The following PDZD2 variants were observed in gnomAD, a reference collection of about 807,000 sequenced individuals.
PDZD2 encodes PDZ domain-containing protein 2.
PDZD2 carries 90 observed loss-of-function variants against 220.7 expected under a neutral mutation model. That is an observed-to-expected ratio of 0.41 (90% CI 0.34 to 0.49). The LOEUF (loss-of-function observed/expected upper bound fraction) is 0.49, where lower values mean the gene tolerates loss of function less well. PDZD2 is among the 20% of genes least tolerant of loss of function. The probability of loss-of-function intolerance (pLI) is 0.28; values close to 1 mark genes in which losing one functional copy is unlikely to be tolerated. For synonymous variants in PDZD2, 1,375 were observed against 1,450.5 expected (o/e 0.95, Z 1.18); for missense variants, 3,174 against 3,608.5 (o/e 0.88, Z 3.08).
chr5:31,898,870 C>T lies in PDZD2; in HGVS notation c.477-84285C>T, dbSNP rs547833365. Among the ~76,000 whole-genome samples the T allele has an allele frequency of 2.6e-4, 39 of 148,988 alleles. 1 individual carries two copies. Among genetic ancestry groups the T allele is most frequent in the Admixed American group, 2.0e-3 (30 of 14,720 alleles). ...TTTGAGACGGAGTCTCGCTCTGTCACCCAGGCTGGAGTGCAGTGGCGATCT... is the reference window on the plus strand; with the variant it reads ...TTTGAGACGGAGTCTCGCTCTGTCATCCAGGCTGGAGTGCAGTGGCGATCT... On this transcript the variant is annotated intron_variant, in intron 2 of 24. Coordinates refer to ENST00000438447, the MANE Select transcript of PDZD2 (RefSeq NM_178140.4).
intron 2 of PDZD2, among the ~76,000 whole-genome samples, chr5:31,939,889 T>G (rs1746068799): frequency 6.6e-6 from 1 of 152,204 alleles, no homozygotes; most frequent in Admixed American, 6.5e-5. Context: ...ACAAAGTGTA[T>G]AAACCTAGAG....
At chr5:31,718,696 T>A (rs1326639018) in intron 1 of PDZD2, among the ~76,000 whole-genome samples, 5 of 59,554 alleles carry the variant, frequency 8.4e-5, no homozygotes, top group African/African-American at 2.2e-4. Flanking sequence ...ACAGCCTCAT[T>A]TTTTTTTTTT....
rs140586934 is a variant in PDZD2 at position 32,066,820 on chromosome 5, G to A, written c.2452-2749G>A. Reference sequence around the variant, plus strand: ...TCAAACATCCAAATGGCATTTCAGCGCAAAGCATCATATCTGGTGGCCGCC... The same window carrying A: ...TCAAACATCCAAATGGCATTTCAGCACAAAGCATCATATCTGGTGGCCGCC... On this transcript the variant is annotated intron_variant, in intron 14 of 24. Transcript: ENST00000438447. 4.6e-5 allele frequency among the ~76,000 whole-genome samples: 7 copies of A among 152,282 alleles called. No individual in the cohort carries two copies. In the East Asian group the frequency reaches 7.7e-4, roughly 17 times the overall value.
At position 32,060,469 on chromosome 5, in the gene PDZD2, G is replaced by A. The variant is rs192602672; in HGVS notation, c.2319-533G>A. ...ATTGTTGGGTAACCTTTGAGCCTCA[G>A]CTATTTCCTCCTTAAGTTATATTAT... On this transcript the variant is annotated intron_variant, in intron 13 of 24. Coordinates refer to ENST00000438447, the MANE Select transcript of PDZD2 (RefSeq NM_178140.4). Among the ~76,000 whole-genome samples the A allele has an allele frequency of 2.8e-3, 425 of 152,240 alleles. 7 individuals carry two copies. Among genetic ancestry groups the A allele is most frequent in the Admixed American group, 0.025 (376 of 15,294 alleles).
chr5:31,825,819 C>T (rs1441662944), intron 2 of PDZD2, among the ~76,000 whole-genome samples: 2 of 152,142 alleles, frequency 1.3e-5, no homozygotes, highest in African/African-American at 2.4e-5. Flanking sequence ...GCTTGCTTTA[C>T]GTATATTGTA....
Position 31,750,418 on chromosome 5 carries a change from G to A in PDZD2, c.-360-48471G>A, listed in dbSNP as rs527690473. On this transcript the variant is annotated intron_variant, in intron 1 of 24. Transcript: ENST00000438447. The stretch of plus-strand genomic sequence containing the variant: ...AAATAGCAAGCAGTTGTCATGTACC[G>A]AACGCTCACCAGATGCAGGAACGCT... Among the ~76,000 whole-genome samples, 29 of 152,240 alleles carry A rather than the reference G, an allele frequency of 1.9e-4. No homozygotes were observed. The East Asian group carries it at 1.9e-3, about 10-fold the overall frequency.
chr5:31,766,597 G>A (rs1224153028), intron 1 of PDZD2, among the ~76,000 whole-genome samples: 2 of 152,068 alleles, frequency 1.3e-5, no homozygotes, highest in Admixed American at 6.6e-5. Flanking sequence ...TCACCATGTT[G>A]CCTAGGCTGG....
At chr5:32,085,476 T>C (rs1742358600) in intron 19 of PDZD2, among the ~76,000 whole-genome samples, 1 of 149,926 alleles carries the variant, frequency 6.7e-6, no homozygotes, top group Admixed American at 6.6e-5. Flanking sequence ...AGACGGAGTC[T>C]TGCTCTGTTA....
chr5:31,640,477 C>A (rs948917089), intron 1 of PDZD2, among the ~76,000 whole-genome samples: 2 of 152,214 alleles, frequency 1.3e-5, no homozygotes, highest in African/African-American at 4.8e-5. Flanking sequence ...ATATGTTTGC[C>A]TTGACAAATC....
chr5:31,752,164 G>A (rs1329417421), intron 1 of PDZD2, among the ~76,000 whole-genome samples: 1 of 137,466 alleles, frequency 7.3e-6, no homozygotes, highest in Admixed American at 8.2e-5. Context: ...CTTCAACCTC[G>A]ACCTCCTGGA....
chr5:31,767,178 C>T (rs974728046), intron 1 of PDZD2, among the ~76,000 whole-genome samples: 1 of 151,762 alleles, frequency 6.6e-6, no homozygotes, highest in Non-Finnish European at 1.5e-5. Flanking sequence ...ATTACAGGTG[C>T]CCGCCACCAT....
rs1752036329 is a variant in PDZD2 at position 32,000,687 on chromosome 5, T to G, written c.1254+416T>G. 6.6e-6 allele frequency among the ~76,000 whole-genome samples: 1 copy of G among 152,126 alleles called. No homozygotes were observed. Among genetic ancestry groups the G allele is most frequent in the South Asian group, 2.1e-4 (1 of 4,826 alleles). On this transcript the variant is annotated intron_variant, in intron 5 of 24. Coordinates refer to ENST00000438447, the MANE Select transcript of PDZD2 (RefSeq NM_178140.4). The surrounding 1 kb of genome is among the most constrained non-coding windows in gnomAD (Gnocchi z 4.5). Reference sequence around the variant, plus strand: ...CATCACACCCGGCTAATTTTGTATTTTTTATAGAGATGGGGTTTCTCCATG... The same window carrying G: ...CATCACACCCGGCTAATTTTGTATTGTTTATAGAGATGGGGTTTCTCCATG...
intron 20 of PDZD2, 68 bp from the exon 21 acceptor site, chr5:32,092,839 T>G: frequency 1.3e-6 from 1 of 742,898 alleles, no homozygotes; most frequent in East Asian, 2.8e-5. Context: ...TCATTTTAAA[T>G]GCATTCTTAT....
rs780478538 is a variant in PDZD2, at chr5:31,983,137, CCT to C, written c.477-13_477-12del. On this transcript the variant is annotated splice_polypyrimidine_tract_variant and intron_variant, in intron 2 of 24. Coordinates refer to ENST00000438447, the MANE Select transcript of PDZD2 (RefSeq NM_178140.4). ...AGGGTGTGTGGGGTTCTAACTGGCA[CCT>C]CTCTGTCTGTTGCAGTTACCTGGCT... The C allele has an allele frequency of 1.2e-6, 2 of 1,603,014 alleles. No individual in the cohort carries two copies. Among genetic ancestry groups the C allele is most frequent in the African/African-American group, 1.3e-5 (1 of 74,802 alleles).
intron 2 of PDZD2, among the ~76,000 whole-genome samples, chr5:31,933,478 C>G (rs73066470): frequency 1.3e-5 from 2 of 152,028 alleles, no homozygotes; most frequent in Admixed American, 1.3e-4. Context: ...GCTGTATGAT[C>G]GACTCCTGCT....
At chr5:31,896,620 T>C (rs542565009) in intron 2 of PDZD2, among the ~76,000 whole-genome samples, 1 of 152,296 alleles carries the variant, frequency 6.6e-6, no homozygotes, top group Admixed American at 6.5e-5. Flanking sequence ...TTCTGAGTCT[T>C]TAGAGATACA....
intron 1 of PDZD2, among the ~76,000 whole-genome samples, chr5:31,752,775 C>T (rs1751085604): frequency 6.6e-6 from 1 of 152,156 alleles, no homozygotes. Flanking sequence ...TTCTTTGAAG[C>T]CTGTTTCAAA....
In PDZD2 at chr5:31,646,365, T is replaced by C. The variant is rs113304881; in HGVS notation, c.-361+6928T>C. Among the ~76,000 whole-genome samples the C allele has an allele frequency of 4.6e-5, 7 of 152,040 alleles. No homozygotes were observed. The highest frequency in any genetic ancestry group is 1.7e-4 in the African/African-American group (7 of 41,416). ...ATTCCAGGGACTGAGCCACCACAAA[T>C]GTCTTCAGGAACCTGACCCCTCCAC... is the stretch of plus-strand genomic sequence containing the variant. On this transcript the variant is annotated intron_variant, in intron 1 of 24. Transcript: ENST00000438447. This position sits in a 1 kb window ranked among gnomAD's most constrained non-coding sequence, Gnocchi z 4.7.
intron 2 of PDZD2, among the ~76,000 whole-genome samples, chr5:31,921,656 CT>C (rs1236706408): frequency 6.6e-6 from 1 of 152,128 alleles, no homozygotes; most frequent in African/African-American, 2.4e-5. Context: ...TGCCACTGCA[CT>C]CCCACCTGGG....
Sources: allele counts gnomAD v4.1 joint callset (sites outside exome capture counted in the v4.1 genomes callset), GRCh38; gene constraint gnomAD v4.1.1; non-coding constraint Gnocchi (gnomAD v3.1); transcripts MANE v1.5; gene names NCBI Gene and HGNC (gene_info 2026-07-23, HGNC 2026-07-21).